The following YAE1 variants were observed in gnomAD, a reference collection of about 807,000 sequenced individuals.
YAE1 encodes the protein protein YAE1 homolog.
A neutral mutation model predicts 23.0 loss-of-function variants in YAE1; 22 were observed. The ratio of observed to expected loss-of-function variants is 0.96; its 90% CI spans 0.68 to 1.37. The LOEUF (loss-of-function observed/expected upper bound fraction) is 1.37. Ranked by LOEUF, YAE1 falls within the 40% of genes most tolerant of loss-of-function variation. YAE1 has a pLI of 0.00. For missense variants in YAE1, 260 were observed against 262.1 expected, an observed-to-expected ratio of 0.99 and a Z score of 0.06; for synonymous variants, 101 against 97.0, an observed-to-expected ratio of 1.04 and a Z score of -0.24.
At chr7:39,566,616 G>A in intron 1 of YAE1, 69 bp downstream of exon 1, 1 of 1,593,902 alleles carries the variant, frequency 6.3e-7, no homozygotes, top group Non-Finnish European at 8.5e-7. Context: ...AAGAAGCTGG[G>A]TCCAGAGTGG....
chr7:39,590,611 T>G (rs1790888481), intron 2 of YAE1, among the ~76,000 whole-genome samples: 1 of 152,224 alleles, frequency 6.6e-6, no homozygotes, highest in African/African-American at 2.4e-5. Context: ...AACATGACAT[T>G]CATTTATGTT....
chr7:39,577,792 G>C (rs961848923), downstream of YAE1, among the ~76,000 whole-genome samples: 1 of 152,264 alleles, frequency 6.6e-6, no homozygotes, highest in African/African-American at 2.4e-5. Context: ...CGGGTGCACG[G>C]TGCGGGACTG....
chr7:39,612,000 T>G (rs771675557), downstream of YAE1, among the ~76,000 whole-genome samples: 1 of 152,262 alleles, frequency 6.6e-6, no homozygotes, highest in Non-Finnish European at 1.5e-5. Context: ...TTAACTTAAA[T>G]CTACCCAATA....
Position 39,570,522 on chromosome 7 carries a change from G to GAAT in YAE1, c.148_150dup (p.Ile50dup), listed in dbSNP as rs1214271997. On this transcript the variant is annotated inframe_insertion, in exon 2 of 3. Transcript: ENST00000223273. ...TATTTTTAGGAAGGTTATAGAGATG[G>GAAT]AATAGATGCTGGCAAAGCAGTTACT... The GAAT allele has an allele frequency of 6.2e-7, 1 of 1,612,430 alleles. No individual in the cohort carries two copies. Among genetic ancestry groups the GAAT allele is most frequent in the South Asian group, 1.1e-5 (1 of 90,590 alleles).
chr7:39,587,334 G>A (rs995400495), intron 2 of YAE1, among the ~76,000 whole-genome samples: 3 of 151,866 alleles, frequency 2.0e-5, no homozygotes, highest in African/African-American at 7.3e-5. Flanking sequence ...TGGGATTACA[G>A]GCTGTTGCTC....
intron 1 of YAE1, among the ~76,000 whole-genome samples, chr7:39,568,408 T>C (rs1790510848): frequency 6.6e-6 from 1 of 152,146 alleles, no homozygotes; most frequent in Admixed American, 6.5e-5. Flanking sequence ...CTTTGTTTTA[T>C]ATTAACCTTC....
chr7:39,608,478 GA>G (rs1248274934), intron 2 of YAE1, among the ~76,000 whole-genome samples: 1 of 152,122 alleles, frequency 6.6e-6, no homozygotes, highest in Non-Finnish European at 1.5e-5. Context: ...AGAAGAAAAA[GA>G]AAAGGGTAGA....
intron 2 of YAE1, among the ~76,000 whole-genome samples, chr7:39,599,557 TAG>T (rs1362640351): frequency 2.0e-5 from 3 of 152,052 alleles, no homozygotes; most frequent in African/African-American, 4.8e-5. Context: ...GTATTTTTAG[TAG>T]AGACGGGTTG....
chr7:39,610,265 AAACT>A, exon 3 of YAE1: 1 of 531,554 alleles, frequency 1.9e-6, no homozygotes, highest in Non-Finnish European at 3.4e-6. Flanking sequence ...CAAGCCCAAC[AAACT>A]ATGTGTCTTG....
At chr7:39,570,651 G>C (rs1357112725) in intron 2 of YAE1, 24 bp downstream of exon 2, 1 of 1,576,948 alleles carries the variant, frequency 6.3e-7, no homozygotes, top group East Asian at 2.3e-5. Flanking sequence ...TCTAAATGCT[G>C]AATCATTTTA....
intron 2 of YAE1, among the ~76,000 whole-genome samples, chr7:39,594,086 T>C (rs899580944): frequency 6.6e-6 from 1 of 152,350 alleles, no homozygotes; most frequent in African/African-American, 2.4e-5. Flanking sequence ...GACAGATAAC[T>C]TTTCAGAACT....
Position 39,588,447 on chromosome 7 carries a change from TCTC to T in YAE1, c.251+17821_251+17823del, listed in dbSNP as rs1302219508. Among the ~76,000 whole-genome samples the T allele has an allele frequency of 7.5e-5, 11 of 146,462 alleles. No individual in the cohort carries two copies. The East Asian group carries it at 2.2e-3, about 29-fold the overall frequency. ...GATCGCTTGTTGCAGTGAAACCAGATCTCATCATTCATCATTGTACTCCAGCGT... is the reference window on the plus strand; with the variant it reads ...GATCGCTTGTTGCAGTGAAACCAGATATCATTCATCATTGTACTCCAGCGT... On this transcript the variant is annotated intron_variant, in intron 2 of 2. Coordinates refer to the YAE1 transcript ENST00000432096.
chr7:39,591,647 A>G (rs1324587040), intron 2 of YAE1, among the ~76,000 whole-genome samples: 3 of 151,246 alleles, frequency 2.0e-5, no homozygotes, highest in Admixed American at 6.6e-5. Context: ...GGATTGGTAC[A>G]TATGTTACAA....
chr7:39,577,810 G>C (rs761533478), downstream of YAE1, among the ~76,000 whole-genome samples: 4 of 152,252 alleles, frequency 2.6e-5, no homozygotes, highest in Non-Finnish European at 5.9e-5. Flanking sequence ...CTGGGAGGCA[G>C]CTCCGCCTGC....
chr7:39,611,272 C>G (rs1006730437), downstream of YAE1, among the ~76,000 whole-genome samples: 1 of 152,134 alleles, frequency 6.6e-6, no homozygotes, highest in African/African-American at 2.4e-5. Flanking sequence ...TGGCCTTTGA[C>G]ACATGGACTC....
At chr7:39,569,586 C>T in intron 1 of YAE1, 1 of 567,794 alleles carries the variant, frequency 1.8e-6, no homozygotes, top group Non-Finnish European at 3.4e-6. Context: ...AGGACAAAGG[C>T]AACCTGCCAC....
chr7:39,610,061 T>C, exon 3 of YAE1: 1 of 1,450,700 alleles, frequency 6.9e-7, no homozygotes, highest in Non-Finnish European at 9.0e-7. Flanking sequence ...CACCCAGTGC[T>C]GCAGGTTTCT....
intron 2 of YAE1, among the ~76,000 whole-genome samples, chr7:39,601,376 T>C (rs1160382042): frequency 6.6e-6 from 1 of 152,192 alleles, no homozygotes. Flanking sequence ...GTAAAAGGTT[T>C]ACAGGGCAGC....
intron 2 of YAE1, 22 bp from the exon 3 acceptor site, chr7:39,572,255 C>T: frequency 6.4e-7 from 1 of 1,571,320 alleles, no homozygotes; most frequent in Non-Finnish European, 8.6e-7. Context: ...GCTATTTAAC[C>T]CTTGTTTATA....
Sources: allele counts gnomAD v4.1 joint callset (sites outside exome capture counted in the v4.1 genomes callset), GRCh38; gene constraint gnomAD v4.1.1; transcripts MANE v1.5; gene names NCBI Gene and HGNC (gene_info 2026-07-23, HGNC 2026-07-21).